Variants in EIF2B5 observed in about 807,000 individuals in gnomAD.
EIF2B5 encodes translation initiation factor eIF2B subunit epsilon.
EIF2B5 carries 38 observed loss-of-function variants against 87.3 expected under a neutral mutation model. That is an observed-to-expected ratio of 0.44 (90% CI 0.34 to 0.57). EIF2B5 has a LOEUF of 0.57. Among genes scored for constraint, EIF2B5 ranks in the 20% least tolerant of loss-of-function variants. The probability of loss-of-function intolerance (pLI) is 0.02; values close to 1 mark genes in which losing one functional copy is unlikely to be tolerated. For missense variants in EIF2B5, 784 were observed against 909.5 expected, an observed-to-expected ratio of 0.86 and a Z score of 1.78; for synonymous variants, 313 against 339.6, an observed-to-expected ratio of 0.92 and a Z score of 0.86.
Position 184,141,999 on chromosome 3 carries a change from T to G in EIF2B5, c.1231T>G (p.Ser411Ala), listed in dbSNP as rs757787214. ...RVAAGAQIHQ[S>A]LLCDNAEVKE... ...GGCGGCTGGAGCACAGATCCATCAG[T>G]CTCTGCTTTGTGACAATGCTGAGGT... Residue 411 changes from serine (S) to alanine (A), a missense_variant, in exon 8 of 16, where the codon TCT (serine) becomes GCT (alanine). Ser to Ala is a moderately conservative substitution (Grantham distance 99, BLOSUM62 1). Transcript: ENST00000648915. 6.2e-7 allele frequency: 1 copy of G among 1,614,086 alleles called. No individual in the cohort carries two copies. Among genetic ancestry groups the G allele is most frequent in the South Asian group, 1.1e-5 (1 of 91,082 alleles).
intron 13 of EIF2B5, 84 bp downstream of exon 13, chr3:184,143,649 A>G (rs1713740028): frequency 6.2e-7 from 1 of 1,600,922 alleles, no homozygotes; most frequent in African/African-American, 1.3e-5. Flanking sequence ...TATTGGGTGT[A>G]TGTCACTTCT....
chr3:184,138,214 C>T lies in EIF2B5; in HGVS notation c.733C>T (p.Leu245=), dbSNP rs1037798824. 1.2e-5 allele frequency: 19 copies of T among 1,614,072 alleles called. No homozygotes were observed. The highest frequency in any genetic ancestry group is 1.6e-5 in the Non-Finnish European group (19 of 1,180,032). ...SDGVEVRYDL[L]DCHISICSPQ... ...TGGAGTGGAGGTTCGATATGATTTACTGGATTGTCATATCAGCATCTGTTC... is the reference window on the plus strand; with the variant it reads ...TGGAGTGGAGGTTCGATATGATTTATTGGATTGTCATATCAGCATCTGTTC... Residue 245 remains leucine, a synonymous_variant, in exon 5 of 16, where the codon CTG becomes TTG. Coordinates refer to ENST00000648915, the MANE Select transcript of EIF2B5 (RefSeq NM_003907.3).
intron 2 of EIF2B5, 23 bp from the exon 3 acceptor site, chr3:184,137,596 TC>T: frequency 6.2e-7 from 1 of 1,610,880 alleles, no homozygotes. Context: ...ATACACTCAT[TC>T]CCCTCACCCT....
chr3:184,142,148 C>G lies in EIF2B5; in HGVS notation c.1302+78C>G, dbSNP rs1237794919. The G allele has an allele frequency of 1.2e-6, 2 of 1,613,818 alleles. No individual in the cohort carries two copies. The highest frequency in any genetic ancestry group is 1.7e-6 in the Non-Finnish European group (2 of 1,179,900). ...TGAGCCAGAAGGGGCATTATTTCCA[C>G]CCATAATCCTGTCTAAAAAAGTTGC... On this transcript the variant is annotated intron_variant, in intron 8 of 15. Transcript: ENST00000648915. The surrounding 1 kb of genome is among the most constrained non-coding windows in gnomAD (Gnocchi z 5.0).
Position 184,138,015 on chromosome 3 carries a change from C to T in EIF2B5, c.624C>T (p.Thr208=). Residue 208 remains threonine (T), a synonymous_variant, in exon 4 of 16, where the codon ACC becomes ACT. Coordinates refer to ENST00000648915, the MANE Select transcript of EIF2B5 (RefSeq NM_003907.3). ...ATGTGGTAGTGGCTGTGGATAGTAC[C>T]ACAAACAGGGTTCTCCATTTTCAGA... ...EDNVVVAVDS[T]TNRVLHFQKT... 1 of 1,614,174 alleles carries T rather than the reference C, an allele frequency of 6.2e-7. No homozygotes were observed. The highest frequency in any genetic ancestry group is 1.1e-5 in the South Asian group (1 of 91,082).
chr3:184,135,415 TGTG>T lies in EIF2B5; in HGVS notation c.36_38del (p.Val13del). Reference sequence around the variant, plus strand: ...CGGCCCCTGTAGTGGCGCCGCCTGGTGTGGTGGTTAGTCGGGCTAACAAGCGCA... The same window carrying T: ...CGGCCCCTGTAGTGGCGCCGCCTGGTGTGGTTAGTCGGGCTAACAAGCGCA... On this transcript the variant is annotated inframe_deletion, in exon 1 of 16. Transcript: ENST00000648915. 6.3e-7 allele frequency: 1 copy of T among 1,581,962 alleles called. No individual in the cohort carries two copies. Among genetic ancestry groups the T allele is most frequent in the Non-Finnish European group, 8.6e-7 (1 of 1,165,732 alleles).
Position 184,135,520 on chromosome 3 carries a change from A to C in EIF2B5, c.135A>C (p.Ala45=), listed in dbSNP as rs753295628. Residue 45 remains alanine, a synonymous_variant, in exon 1 of 16, where the codon GCA becomes GCC. Transcript: ENST00000648915. ...AEEEPPPPLQ[A]VLVADSFDRR... is the part of the protein sequence containing the mutation. ...AGGAACCGCCGCCGCCCCTACAAGC[A>C]GTTCTGGTGGCCGATAGCTTCGATC... is the stretch of plus-strand genomic sequence containing the variant. The C allele has an allele frequency of 1.9e-6, 3 of 1,589,572 alleles. No homozygotes were observed. The highest frequency in any genetic ancestry group is 1.1e-5 in the South Asian group (1 of 87,600).
Position 184,143,575 on chromosome 3 carries a change from G to A in EIF2B5, c.1869+10G>A. 6.2e-7 allele frequency: 1 copy of A among 1,614,188 alleles called. No individual in the cohort carries two copies. ...TGCCCTGCTGCTTCCTGTGAGCAAA[G>A]ATTGGAGCTGAGTACAAGGGATTGG... On this transcript the variant is annotated intron_variant, in intron 13 of 15. Transcript: ENST00000648915.
Position 184,142,496 on chromosome 3 carries a change from T to C in EIF2B5, c.1445-6T>C, listed in dbSNP as rs1468037617. ...GGCCCTCTCTATAGATCATTGCCTT[T>C]TCCAGGTTACAATCCAGCAGAAGTA... is the stretch of plus-strand genomic sequence containing the variant. On this transcript the variant is annotated splice_polypyrimidine_tract_variant and splice_region_variant and intron_variant, in intron 9 of 15. Coordinates refer to ENST00000648915, the MANE Select transcript of EIF2B5 (RefSeq NM_003907.3). The surrounding 1 kb of genome is among the most constrained non-coding windows in gnomAD (Gnocchi z 5.0). 9 of 1,614,030 alleles carry C rather than the reference T, an allele frequency of 5.6e-6. No individual in the cohort carries two copies. Among genetic ancestry groups the C allele is most frequent in the African/African-American group, 1.3e-5 (1 of 74,910 alleles).
At chr3:184,144,269 C>T (rs747757535) in intron 14 of EIF2B5, 45 bp downstream of exon 14, 57 of 1,612,050 alleles carry the variant, frequency 3.5e-5, no homozygotes, top group Middle Eastern at 1.9e-4. Context: ...TGCTTTCAAA[C>T]GAGGGTTGGT....
chr3:184,141,181 A>G (rs1713618773), intron 7 of EIF2B5, among the ~76,000 whole-genome samples: 1 of 152,226 alleles, frequency 6.6e-6, no homozygotes, highest in African/African-American at 2.4e-5. Flanking sequence ...TGAGTCTACC[A>G]TAACTGCCTG....
chr3:184,136,586 G>C (rs1560106432), intron 1 of EIF2B5, 26 bp from the exon 2 acceptor site: 1 of 1,613,568 alleles, frequency 6.2e-7, no homozygotes, highest in Non-Finnish European at 8.5e-7. Context: ...GAGACCTCAA[G>C]TTTTTTTTCA....
Position 184,135,542 on chromosome 3 carries a change from G to A in EIF2B5, c.157G>A (p.Asp53Asn). The A allele has an allele frequency of 1.9e-6, 3 of 1,591,164 alleles. No homozygotes were observed. The highest frequency in any genetic ancestry group is 2.3e-5 in the East Asian group (1 of 43,380). ...LQAVLVADSF[D>N]RRFFPISKDQ... is the part of the protein sequence containing the mutation. ...AGCAGTTCTGGTGGCCGATAGCTTC[G>A]ATCGCCGCTTCTTCCCCATCTCCAA... Residue 53 changes from aspartate to asparagine, a missense_variant, in exon 1 of 16, where the codon GAT becomes AAT. Transcript: ENST00000648915.
chr3:184,139,501 G>A (rs1489942323), intron 5 of EIF2B5, among the ~76,000 whole-genome samples: 3 of 146,810 alleles, frequency 2.0e-5, no homozygotes, highest in Admixed American at 1.4e-4. Context: ...GGCTGGTCTC[G>A]AACTCCCAAC....
chr3:184,137,612 T>G lies in EIF2B5; in HGVS notation c.321-8T>G, dbSNP rs1713419625. ...TACACTCATTCCCCTCACCCTCCCT[T>G]CCTTTAGGAAGTCAAAGTGGTGCCG... On this transcript the variant is annotated splice_polypyrimidine_tract_variant and splice_region_variant and intron_variant, in intron 2 of 15. Coordinates refer to ENST00000648915, the MANE Select transcript of EIF2B5 (RefSeq NM_003907.3). 6.2e-7 allele frequency: 1 copy of G among 1,613,742 alleles called. No homozygotes were observed. Among genetic ancestry groups the G allele is most frequent in the Non-Finnish European group, 8.5e-7 (1 of 1,179,792 alleles).
intron 6 of EIF2B5, 56 bp from the exon 7 acceptor site, chr3:184,140,361 TG>T: frequency 1.3e-6 from 2 of 1,585,726 alleles, no homozygotes; most frequent in Non-Finnish European, 1.7e-6. Context: ...AAGTTGTACT[TG>T]GGGGCATTCT....
chr3:184,137,438 G>T, intron 2 of EIF2B5, 182 bp from the exon 3 acceptor site: 1 of 659,910 alleles, frequency 1.5e-6, no homozygotes, highest in Non-Finnish European at 2.7e-6. Flanking sequence ...CAAGACTGGT[G>T]ACACAGGATG....
intron 13 of EIF2B5, 43 bp downstream of exon 13, chr3:184,143,608 C>T (rs748027967): frequency 6.2e-7 from 1 of 1,613,848 alleles, no homozygotes; most frequent in Non-Finnish European, 8.5e-7. Flanking sequence ...TGGGTACAGG[C>T]AAAGGAAATC....
At chr3:184,135,994 AT>A (rs1157015328) in intron 1 of EIF2B5, 525 of 219,198 alleles carry the variant, frequency 2.4e-3, no homozygotes, top group South Asian at 5.5e-3. Flanking sequence ...CAGGCAGTGT[AT>A]TTTTTTTTTC....
Sources: gnomAD v4.1 joint callset for allele counts (sites outside exome capture counted in the v4.1 genomes callset) on GRCh38, gnomAD v4.1.1 for gene constraint, Gnocchi (gnomAD v3.1) non-coding constraint, MANE v1.5 for transcripts, NCBI Gene and HGNC (gene_info 2026-07-23, HGNC 2026-07-21) for gene names.